PLPP1: variants seen among roughly 807,000 people sequenced by gnomAD.
PLPP1 encodes lipid phosphate phosphohydrolase 1a.
A neutral mutation model predicts 31.2 loss-of-function variants in PLPP1; 24 were observed. The observed-to-expected ratio is 0.77, with a 90% confidence interval of 0.56 to 1.08. PLPP1 has a LOEUF of 1.08. Among genes scored for constraint, PLPP1 ranks in the 50% least tolerant of loss-of-function variants. PLPP1 has a pLI of 0.00. For synonymous variants in PLPP1, 146 were observed against 126.3 expected (o/e 1.16, Z -1.05); for missense variants, 319 against 342.7 (o/e 0.93, Z 0.55).
chr5:55,530,262 A>C (rs1335153035), intron 1 of PLPP1: 1 of 1,507,398 alleles, frequency 6.6e-7, no homozygotes, highest in Non-Finnish European at 9.2e-7. Context: ...TCTCTGATTT[A>C]GATGACTAAC....
chr5:55,436,903 T>G (rs1279704318), intron 4 of PLPP1, among the ~76,000 whole-genome samples: 1 of 152,114 alleles, frequency 6.6e-6, no homozygotes, highest in Admixed American at 6.6e-5. Flanking sequence ...ATTAGGAAAA[T>G]AGGACTTTTG....
At chr5:55,462,712 A>G (rs969243494) in intron 3 of PLPP1, among the ~76,000 whole-genome samples, 1 of 152,154 alleles carries the variant, frequency 6.6e-6, no homozygotes. Flanking sequence ...AGTGGCTCAC[A>G]CCTATAATCC....
At chr5:55,502,881 C>CTGCT (rs1380691480) in intron 1 of PLPP1, among the ~76,000 whole-genome samples, 2 of 152,184 alleles carry the variant, frequency 1.3e-5, no homozygotes, top group African/African-American at 4.8e-5. Flanking sequence ...GAACCTATCA[C>CTGCT]TGCTTCATCC....
chr5:55,441,929 A>G lies in PLPP1; in HGVS notation c.492-21T>C, dbSNP rs768132340. The G allele has an allele frequency of 2.5e-6, 4 of 1,607,540 alleles. No individual in the cohort carries two copies. The South Asian group carries it at 3.3e-5, about 13-fold the overall frequency. On this transcript the variant is annotated intron_variant, in intron 3 of 5. Coordinates refer to ENST00000307259, the MANE Select transcript of PLPP1 (RefSeq NM_003711.4). ...ACAACCTGGAAGAAAAAGAAGACAA[A>G]TGTTACTTTTCTCTCTTAGGAGCCA...
chr5:55,482,940 A>C (rs764930811), intron 1 of PLPP1, among the ~76,000 whole-genome samples: 1 of 152,148 alleles, frequency 6.6e-6, no homozygotes, highest in Non-Finnish European at 1.5e-5. Flanking sequence ...TTTTTCAAAC[A>C]ATGTACCAAA....
chr5:55,441,594 G>C (rs537235219), intron 4 of PLPP1, among the ~76,000 whole-genome samples: 60 of 152,218 alleles, frequency 3.9e-4, no homozygotes, highest in Non-Finnish European at 7.1e-4. Flanking sequence ...AGCAACAGCA[G>C]CCTGTTGTCC....
rs186668236 is a variant in PLPP1 at position 55,534,241 on chromosome 5, C to G, written c.58+331G>C. On this transcript the variant is annotated intron_variant, in intron 1 of 5. Coordinates refer to ENST00000307259, the MANE Select transcript of PLPP1 (RefSeq NM_003711.4). ...CTGAGATGGGCCAGTGACCAGGCTC[C>G]TCTACCGTACAGAGGGGAGGAGCCC... 1.2e-4 allele frequency among the ~76,000 whole-genome samples: 18 copies of G among 152,322 alleles called. No individual in the cohort carries two copies. In the East Asian group the frequency reaches 3.1e-3, roughly 26 times the overall value.
intron 3 of PLPP1, among the ~76,000 whole-genome samples, chr5:55,462,392 T>G (rs765526255): frequency 3.3e-5 from 5 of 152,206 alleles, no homozygotes; most frequent in African/African-American, 1.2e-4. Flanking sequence ...AATGTGAAAA[T>G]GTTTTTTTTC....
chr5:55,490,426 A>G (rs923222146), intron 1 of PLPP1, among the ~76,000 whole-genome samples: 1 of 152,138 alleles, frequency 6.6e-6, no homozygotes, highest in Non-Finnish European at 1.5e-5. Context: ...CTGGGATTAC[A>G]GGTGTGAGCC....
chr5:55,479,358 G>A (rs1752624628), intron 1 of PLPP1, among the ~76,000 whole-genome samples: 2 of 152,126 alleles, frequency 1.3e-5, no homozygotes, highest in African/African-American at 4.8e-5. Context: ...ATTACCCAGT[G>A]CCATTTCATT....
chr5:55,502,434 C>G (rs190330348), intron 1 of PLPP1, among the ~76,000 whole-genome samples: 397 of 151,884 alleles, frequency 2.6e-3, no homozygotes, highest in Non-Finnish European at 4.5e-3. Flanking sequence ...TTGCAGTGAG[C>G]CGAGATCGTG....
intron 3 of PLPP1, among the ~76,000 whole-genome samples, chr5:55,467,555 T>C (rs1752331162): frequency 1.0e-5 from 1 of 99,050 alleles, no homozygotes; most frequent in African/African-American, 3.4e-5. Context: ...AAAAAAATTA[T>C]ATATATTATA....
intron 1 of PLPP1, among the ~76,000 whole-genome samples, chr5:55,475,921 T>G (rs1752539158): frequency 6.6e-6 from 1 of 152,074 alleles, no homozygotes; most frequent in Admixed American, 6.6e-5. Context: ...TCCACTCATT[T>G]CTGTATTGTC....
chr5:55,432,593 A>G lies in PLPP1; in HGVS notation c.550-6554T>C, dbSNP rs534763047. Among the ~76,000 whole-genome samples, 7 of 152,278 alleles carry G rather than the reference A, an allele frequency of 4.6e-5. No individual in the cohort carries two copies. In the East Asian group the frequency reaches 7.7e-4, roughly 17 times the overall value. On this transcript the variant is annotated intron_variant, in intron 4 of 5. Transcript: ENST00000307259. ...TGCAACATAAGAAACCCATAAGCCAATATCTCTGATGAACACAGATGCAAA... is the reference window on the plus strand; with the variant it reads ...TGCAACATAAGAAACCCATAAGCCAGTATCTCTGATGAACACAGATGCAAA...
intron 3 of PLPP1, among the ~76,000 whole-genome samples, chr5:55,464,382 G>A (rs1317748878): frequency 1.3e-5 from 2 of 151,966 alleles, no homozygotes; most frequent in African/African-American, 2.4e-5. Context: ...TTACAGGTGT[G>A]CACCACCACA....
chr5:55,530,198 T>G, intron 1 of PLPP1: 1 of 1,347,718 alleles, frequency 7.4e-7, no homozygotes, highest in Non-Finnish European at 1.1e-6. Flanking sequence ...CAGTTTGACA[T>G]TGAGTTTCTT....
chr5:55,491,104 A>G (rs768708688), intron 1 of PLPP1: 48 of 1,612,748 alleles, frequency 3.0e-5, no homozygotes, highest in Non-Finnish European at 8.5e-7. Flanking sequence ...GAACAGCCAT[A>G]GGCATGGAAG....
intron 4 of PLPP1, among the ~76,000 whole-genome samples, chr5:55,438,951 T>C (rs1751559323): frequency 6.6e-6 from 1 of 152,000 alleles, no homozygotes; most frequent in African/African-American, 2.4e-5. Context: ...GATCTGTGTA[T>C]TCAGGGCTGA....
chr5:55,424,905 T>A lies in PLPP1; in HGVS notation c.*301A>T, dbSNP rs1166734994. ...GTATTATATTTAAATCAAACATCAT[T>A]CATAGAAAGCATATTACATACATGT... On this transcript the variant is annotated 3_prime_UTR_variant, in exon 6 of 6. Coordinates refer to ENST00000307259, the MANE Select transcript of PLPP1 (RefSeq NM_003711.4). The A allele has an allele frequency of 1.5e-6, 1 of 676,706 alleles. No homozygotes were observed. The highest frequency in any genetic ancestry group is 2.5e-6 in the Non-Finnish European group (1 of 398,756). The allele number at this position is 676,706 out of a possible 1,614,324, so 41.9% of individuals were successfully genotyped here. A position where few individuals can be genotyped will look rare whatever the true frequency, so the allele number is the denominator to read the frequency against.
Sources: allele counts gnomAD v4.1 joint callset (sites outside exome capture counted in the v4.1 genomes callset), GRCh38; gene constraint gnomAD v4.1.1; transcripts MANE v1.5; gene names NCBI Gene and HGNC (gene_info 2026-07-23, HGNC 2026-07-21).